The following IL1RAPL2 variants were observed in gnomAD, a reference collection of about 807,000 sequenced individuals.
IL1RAPL2 encodes interleukin 1 receptor accessory protein like 2.
Under a neutral mutation model 44.1 loss-of-function variants are expected in IL1RAPL2, and 3 were observed. That is an observed-to-expected ratio of 0.07 (90% confidence interval 0.03 to 0.18). The LOEUF (loss-of-function observed/expected upper bound fraction) is 0.18, where lower values mean the gene tolerates loss of function less well. Among genes scored for constraint, IL1RAPL2 ranks in the 10% least tolerant of loss-of-function variants. The probability of loss-of-function intolerance (pLI) is 1.00; values close to 1 mark genes in which losing one functional copy is unlikely to be tolerated. For synonymous variants in IL1RAPL2, 181 were observed against 178.8 expected, an observed-to-expected ratio of 1.01 and a Z score of -0.10; for missense variants, 391 against 496.4, an observed-to-expected ratio of 0.79 and a Z score of 2.02.
rs972186639 is a variant in IL1RAPL2, at chrX:104,609,874, G to A, written c.-20+42823G>A. On this transcript the variant is annotated intron_variant, in intron 1 of 10. Transcript: ENST00000372582. Reference sequence around the variant, plus strand: ...TGTCAACTCATCAAACTCATTCTCCGTCCAGTTTTGTTCCCTTGCTGGAGA... The same window carrying A: ...TGTCAACTCATCAAACTCATTCTCCATCCAGTTTTGTTCCCTTGCTGGAGA... Among the ~76,000 whole-genome samples the A allele has an allele frequency of 1.3e-4, 15 of 111,575 alleles. No homozygotes were observed. In the South Asian group the frequency reaches 1.5e-3, roughly 11 times the overall value.
At chrX:104,831,384 C>G (rs1460789670) in intron 2 of IL1RAPL2, among the ~76,000 whole-genome samples, 1 of 111,647 alleles carries the variant, frequency 9.0e-6, no homozygotes, top group African/African-American at 3.2e-5. Context: ...GTCCTTTGGA[C>G]ATATTAAATA....
At chrX:105,020,468 T>C (rs1369465630) in intron 2 of IL1RAPL2, among the ~76,000 whole-genome samples, 1 of 111,991 alleles carries the variant, frequency 8.9e-6, no homozygotes, top group Non-Finnish European at 1.9e-5. Flanking sequence ...GGGATTTACA[T>C]TGAATGACAG....
chrX:104,955,496 T>TATA (rs1925689383), intron 2 of IL1RAPL2, among the ~76,000 whole-genome samples: 6 of 104,684 alleles, frequency 5.7e-5, no homozygotes, highest in African/African-American at 2.2e-4. Flanking sequence ...ATATATATAT[T>TATA]ATACTCCCAT....
chrX:104,927,272 A>C (rs1186049786), intron 2 of IL1RAPL2, among the ~76,000 whole-genome samples: 8 of 111,567 alleles, frequency 7.2e-5, no homozygotes, highest in Non-Finnish European at 1.5e-4. Flanking sequence ...CATCACTTCC[A>C]TGAAGTCTTT....
chrX:105,251,735 C>G (rs1398891215), intron 4 of IL1RAPL2, among the ~76,000 whole-genome samples: 1 of 109,898 alleles, frequency 9.1e-6, no homozygotes, highest in Non-Finnish European at 1.9e-5. Context: ...AATTAAATAT[C>G]ACTGGACCTC....
rs148725596 is a variant in IL1RAPL2 at position 105,165,968 on chromosome X, A to G, written c.83-29507A>G. 4.8e-3 allele frequency among the ~76,000 whole-genome samples: 532 copies of G among 111,776 alleles called. 6 individuals carry two copies. The highest frequency in any genetic ancestry group is 0.016 in the African/African-American group (487 of 30,782). On this transcript the variant is annotated intron_variant, in intron 2 of 10. Transcript: ENST00000372582. ...ACCTCTGGTATGCTTAATGGTTAAA[A>G]GCATAGCCTTGGGAGCAGTATCCTT...
At chrX:105,380,494 G>T (rs896373317) in intron 5 of IL1RAPL2, among the ~76,000 whole-genome samples, 1 of 110,714 alleles carries the variant, frequency 9.0e-6, no homozygotes, top group African/African-American at 3.3e-5. Flanking sequence ...AAGAGATGAG[G>T]CAACTGAGGC....
At chrX:105,463,335 A>C (rs1168354943) in intron 5 of IL1RAPL2, among the ~76,000 whole-genome samples, 2 of 111,232 alleles carry the variant, frequency 1.8e-5, no homozygotes, top group East Asian at 5.7e-4. Context: ...AAAGACAAGG[A>C]TAAGCTCTTG....
chrX:105,126,275 C>T (rs1198023140), intron 2 of IL1RAPL2, among the ~76,000 whole-genome samples: 1 of 110,715 alleles, frequency 9.0e-6, no homozygotes, highest in Non-Finnish European at 1.9e-5. Flanking sequence ...TCATGTAATT[C>T]TATACCAGTC....
intron 2 of IL1RAPL2, among the ~76,000 whole-genome samples, chrX:104,779,413 A>T (rs1262071466): frequency 8.9e-6 from 1 of 112,016 alleles, no homozygotes; most frequent in African/African-American, 3.2e-5. Context: ...AATTGGGTCT[A>T]GCAGGAATAA....
rs533396596 is a variant in IL1RAPL2, at chrX:105,513,218, G to A, written c.772+28831G>A. On this transcript the variant is annotated intron_variant, in intron 6 of 10. Transcript: ENST00000372582. ...AGTCTTTGCTATTGTGAATAATGCC[G>A]CAATAAACATACGTGTGCATGTGTC... Among the ~76,000 whole-genome samples, 29 of 111,337 alleles carry A rather than the reference G, an allele frequency of 2.6e-4. 1 individual carries two copies. Among genetic ancestry groups the A allele is most frequent in the Admixed American group, 8.6e-4 (9 of 10,508 alleles).
intron 5 of IL1RAPL2, among the ~76,000 whole-genome samples, chrX:105,382,854 C>G (rs2035445458): frequency 9.4e-6 from 1 of 106,484 alleles, no homozygotes. Context: ...TCATTCTCAG[C>G]AAACTATCGT....
At chrX:105,029,704 A>G (rs186215596) in intron 2 of IL1RAPL2, among the ~76,000 whole-genome samples, 253 of 110,391 alleles carry the variant, frequency 2.3e-3, no homozygotes, top group African/African-American at 7.6e-3. Flanking sequence ...TAGTGCCGCA[A>G]TAAACATACG....
chrX:105,503,006 G>T (rs1238290612), intron 6 of IL1RAPL2, among the ~76,000 whole-genome samples: 1 of 109,983 alleles, frequency 9.1e-6, no homozygotes, highest in Admixed American at 9.7e-5. Flanking sequence ...GTAGCTAATG[G>T]TTTCGTTTCA....
At chrX:105,130,911 C>A (rs2033019996) in intron 2 of IL1RAPL2, among the ~76,000 whole-genome samples, 2 of 111,107 alleles carry the variant, frequency 1.8e-5, no homozygotes, top group Non-Finnish European at 3.8e-5. Context: ...AGTGGATATT[C>A]TTTTTGTTAT....
At chrX:104,670,644 T>A (rs1930578194) in intron 2 of IL1RAPL2, among the ~76,000 whole-genome samples, 1 of 111,039 alleles carries the variant, frequency 9.0e-6, no homozygotes, top group African/African-American at 3.3e-5. Context: ...CGTGCAGGTT[T>A]GTTACCTAGG....
At chrX:105,283,652 A>G (rs1282335502) in intron 5 of IL1RAPL2, among the ~76,000 whole-genome samples, 1 of 111,269 alleles carries the variant, frequency 9.0e-6, no homozygotes, top group Non-Finnish European at 1.9e-5. Context: ...GAGGGGTTAC[A>G]AAAGTTCTGT....
chrX:104,704,799 C>T lies in IL1RAPL2; in HGVS notation c.82+45804C>T, dbSNP rs753391212. ...CTTAATGAAATAACAACTTAATTCCCGTTCCTACTCCCTTCTTTTTCAATC... is the reference window on the plus strand; with the variant it reads ...CTTAATGAAATAACAACTTAATTCCTGTTCCTACTCCCTTCTTTTTCAATC... On this transcript the variant is annotated intron_variant, in intron 2 of 10. Transcript: ENST00000372582. Among the ~76,000 whole-genome samples the T allele has an allele frequency of 7.1e-5, 8 of 111,957 alleles. No individual in the cohort carries two copies. In the South Asian group the frequency reaches 2.6e-3, roughly 37 times the overall value.
At chrX:105,029,235 T>A (rs2031432660) in intron 2 of IL1RAPL2, among the ~76,000 whole-genome samples, 1 of 107,554 alleles carries the variant, frequency 9.3e-6, no homozygotes, top group African/African-American at 3.3e-5. Context: ...ATTTTTTATT[T>A]TTTATTTATT....
Sources: allele counts gnomAD v4.1 joint callset (sites outside exome capture counted in the v4.1 genomes callset), GRCh38; gene constraint gnomAD v4.1.1; transcripts MANE v1.5; gene names NCBI Gene and HGNC (gene_info 2026-07-23, HGNC 2026-07-21).